The following GIPR variants were observed in gnomAD, a reference collection of about 807,000 sequenced individuals.
GIPR encodes GIP-R.
Under a neutral mutation model 62.2 loss-of-function variants are expected in GIPR, and 74 were observed. The observed-to-expected ratio is 1.19, with a 90% CI of 0.99 to 1.44. GIPR has a LOEUF of 1.44. Ranked by LOEUF, GIPR falls within the 40% of genes most tolerant of loss-of-function variation. GIPR has a pLI of 0.00. For missense variants in GIPR, 664 were observed against 611.8 expected (o/e 1.09, Z -0.90); for synonymous variants, 256 against 262.2 (o/e 0.98, Z 0.23).
intron 4 of GIPR, among the ~76,000 whole-genome samples, chr19:45,671,918 GGC>G (rs1379714118): frequency 6.6e-6 from 1 of 151,722 alleles, no homozygotes; most frequent in African/African-American, 2.4e-5. Context: ...CACCGCGCCC[GGC>G]CACCACAGGA....
At chr19:45,674,305 G>A in intron 6 of GIPR, 128 bp downstream of exon 6, 2 of 753,324 alleles carry the variant, frequency 2.7e-6, no homozygotes, top group Non-Finnish European at 4.8e-6. Flanking sequence ...AGCAGTGGGG[G>A]TGGTTAAAGG....
chr19:45,668,482 A>C (rs1975374586), intron 1 of GIPR, among the ~76,000 whole-genome samples, 184 bp downstream of exon 1: 1 of 152,044 alleles, frequency 6.6e-6, no homozygotes, highest in African/African-American at 2.4e-5. Flanking sequence ...GTTAGCTGCT[A>C]GATAACTTCT....
At chr19:45,672,823 C>T (rs1332195188) in intron 4 of GIPR, 28 bp from the exon 5 acceptor site, 3 of 1,401,912 alleles carry the variant, frequency 2.1e-6, no homozygotes, top group Admixed American at 1.7e-5. Flanking sequence ...CTCTGTGTGC[C>T]TTAATTCCCT....
rs925487017 is a variant in GIPR, at chr19:45,679,123, T to A, written c.1152+897T>A. The stretch of plus-strand genomic sequence containing the variant: ...CACTCCTCCAGGCTTATCACAGGAA[T>A]ACAGCCAAGAACCAAATGGTCCCTA... On this transcript the variant is annotated intron_variant, in intron 12 of 13. Transcript: ENST00000590918. Among the ~76,000 whole-genome samples the A allele has an allele frequency of 2.6e-5, 4 of 152,226 alleles. No individual in the cohort carries two copies. The East Asian group carries it at 5.8e-4, about 22-fold the overall frequency.
chr19:45,673,601 C>T lies in GIPR; in HGVS notation c.385-473C>T, dbSNP rs974365449. Among the ~76,000 whole-genome samples, 6 of 152,006 alleles carry T rather than the reference C, an allele frequency of 3.9e-5. No homozygotes were observed. The South Asian group carries it at 1.2e-3, about 31-fold the overall frequency. Reference sequence around the variant, plus strand: ...AAAAATTTGGCCAGGAGTGGTGGCTCATGCCTGTAATCCCAGCACTTTGGG... The same window carrying T: ...AAAAATTTGGCCAGGAGTGGTGGCTTATGCCTGTAATCCCAGCACTTTGGG... On this transcript the variant is annotated intron_variant, in intron 5 of 13. Coordinates refer to ENST00000590918, the MANE Select transcript of GIPR (RefSeq NM_000164.4).
chr19:45,679,644 C>A (rs1448726905), intron 12 of GIPR, among the ~76,000 whole-genome samples: 1 of 151,962 alleles, frequency 6.6e-6, no homozygotes, highest in Non-Finnish European at 1.5e-5. Context: ...CCTCTGTTGT[C>A]CAGGCTGGAT....
intron 4 of GIPR, 45 bp from the exon 5 acceptor site, chr19:45,672,806 T>C: frequency 2.6e-6 from 3 of 1,154,208 alleles, no homozygotes; most frequent in Non-Finnish European, 3.9e-6. Flanking sequence ...TCTGTATTTA[T>C]CTCTTTCTCT....
intron 12 of GIPR, among the ~76,000 whole-genome samples, chr19:45,679,388 C>G (rs1009859179): frequency 6.7e-6 from 1 of 148,504 alleles, no homozygotes; most frequent in Non-Finnish European, 1.5e-5. Flanking sequence ...AGGCTGAGGT[C>G]GGAGAATCGA....
At chr19:45,681,044 C>A (rs971679802) in intron 12 of GIPR, among the ~76,000 whole-genome samples, 15 of 152,162 alleles carry the variant, frequency 9.9e-5, no homozygotes, top group Middle Eastern at 3.4e-3. Flanking sequence ...GTTCTTAACC[C>A]CCAGCCAGCA....
At chr19:45,672,321 G>T (rs1975584544) in intron 4 of GIPR, among the ~76,000 whole-genome samples, 1 of 151,760 alleles carries the variant, frequency 6.6e-6, no homozygotes, top group Non-Finnish European at 1.5e-5. Flanking sequence ...TGTTTTTGTT[G>T]TTGTTGAGAC....
At chr19:45,672,544 A>G in intron 4 of GIPR, 1 of 362,902 alleles carries the variant, frequency 2.8e-6, no homozygotes, top group South Asian at 2.2e-5. Flanking sequence ...TGACCTTGTG[A>G]TCCACCTGTC....
intron 5 of GIPR, among the ~76,000 whole-genome samples, chr19:45,673,833 C>T (rs1171055389): frequency 6.6e-6 from 1 of 151,670 alleles, no homozygotes; most frequent in Non-Finnish European, 1.5e-5. Context: ...CAGAGCACTC[C>T]AGCCTGGGCA....
In GIPR at chr19:45,672,961, A is replaced by C; in HGVS notation, c.384+7A>C. The C allele has an allele frequency of 2.7e-6, 4 of 1,503,616 alleles. No individual in the cohort carries two copies. Among genetic ancestry groups the C allele is most frequent in the Non-Finnish European group, 3.7e-6 (4 of 1,079,190 alleles). 93.1% of individuals were successfully genotyped at this position (1,503,616 alleles called of 1,614,324 possible). A position where few individuals can be genotyped will look rare whatever the true frequency, so the allele number is the denominator to read the frequency against. On this transcript the variant is annotated splice_region_variant and intron_variant, in intron 5 of 13. Coordinates refer to ENST00000590918, the MANE Select transcript of GIPR (RefSeq NM_000164.4). ...GAAGAATGAGGCCTTTCTGGTAAGA[A>C]GAGGTGAGGGCTTCAGGTTAGGAGT...
rs755854967 is a variant in GIPR, at chr19:45,681,880, G to C, written c.1346G>C (p.Gly449Ala). 1.3e-6 allele frequency: 2 copies of C among 1,556,982 alleles called. No individual in the cohort carries two copies. Among genetic ancestry groups the C allele is most frequent in the Non-Finnish European group, 1.7e-6 (2 of 1,149,916 alleles). Residue 449 changes from glycine (G) to alanine (A), a missense_variant, in exon 14 of 14, where the codon GGG (glycine) becomes GCG (alanine). Transcript: ENST00000590918. ...CCCACCAGCCGCGGCTTGTCCTCGG[G>C]GACCCTCCCAGGGCCTGGGAATGAG... ...EVPTSRGLSS[G>A]TLPGPGNEAS...
intron 9 of GIPR, 30 bp downstream of exon 9, chr19:45,677,413 G>A (rs772732876): frequency 2.9e-6 from 4 of 1,397,128 alleles, no homozygotes; most frequent in Admixed American, 3.4e-5. Context: ...GCGGGGCGTG[G>A]GAGGTGGGCG....
intron 12 of GIPR, among the ~76,000 whole-genome samples, chr19:45,678,658 C>T (rs1490873531): frequency 6.6e-6 from 1 of 152,212 alleles, no homozygotes; most frequent in African/African-American, 2.4e-5. Flanking sequence ...CCATGGCGCC[C>T]AGCCCGTTCA....
At chr19:45,670,777 G>C in intron 3 of GIPR, 43 bp downstream of exon 3, 5 of 1,190,270 alleles carry the variant, frequency 4.2e-6, no homozygotes, top group Non-Finnish European at 6.1e-6. Flanking sequence ...ACCTGAGGCT[G>C]AGAGGGGTGG....
rs747456820 is a variant in GIPR at position 45,674,752 on chromosome 19, A to T, written c.559A>T (p.Ile187Phe). 6.2e-7 allele frequency: 1 copy of T among 1,613,864 alleles called. No homozygotes were observed. The highest frequency in any genetic ancestry group is 1.7e-5 in the Admixed American group (1 of 59,986). ...GTCTTTCATGCTGCGAGCTGCGGCC[A>T]TTCTCAGCCGAGACCGTCTGCTACC... ...FTSFMLRAAA[I>F]LSRDRLLPRP... The change falls in exon 7 of 14, where the codon ATT (isoleucine) becomes TTT (phenylalanine). Residue 187 changes from isoleucine (I) to phenylalanine (F), a missense_variant. Ile to Phe is a conservative substitution (Grantham distance 21). Transcript: ENST00000590918.
Position 45,670,690 on chromosome 19 carries a change from G to T in GIPR, c.128G>T (p.Arg43Leu), listed in dbSNP as rs758081370. 3 of 1,612,854 alleles carry T rather than the reference G, an allele frequency of 1.9e-6. No individual in the cohort carries two copies. Among genetic ancestry groups the T allele is most frequent in the Non-Finnish European group, 2.5e-6 (3 of 1,179,544 alleles). The change falls in exon 3 of 14, where the codon CGC becomes CTC. Residue 43 changes from arginine (R) to leucine (L), a missense_variant. Coordinates refer to ENST00000590918, the MANE Select transcript of GIPR (RefSeq NM_000164.4). ...CTGTACCAGCGCTGGGAACGGTACC[G>T]CAGGGAGTGCCAGGAGACCTTGGCA... is the stretch of plus-strand genomic sequence containing the variant. ...GELYQRWERY[R>L]RECQETLAAA...
Sources: allele counts gnomAD v4.1 joint callset (sites outside exome capture counted in the v4.1 genomes callset), GRCh38; gene constraint gnomAD v4.1.1; transcripts MANE v1.5; gene names NCBI Gene and HGNC (gene_info 2026-07-23, HGNC 2026-07-21).